CCSER1: variants seen among roughly 807,000 people sequenced by gnomAD.
CCSER1 encodes the protein serine-rich coiled-coil domain-containing protein 1.
CCSER1 carries 41 observed loss-of-function variants against 82.0 expected under a neutral mutation model. The ratio of observed to expected loss-of-function variants is 0.50; its 90% confidence interval spans 0.39 to 0.65. CCSER1 has a LOEUF of 0.65. Ranked by LOEUF, CCSER1 falls within the 30% of genes least tolerant of loss-of-function variation. The pLI is 0.00. For missense variants in CCSER1, 1,119 were observed against 1,064.2 expected (o/e 1.05, Z -0.72); for synonymous variants, 414 against 383.9 (o/e 1.08, Z -0.92).
chr4:90,321,126 T>C (rs1305508407), intron 3 of CCSER1, among the ~76,000 whole-genome samples: 1 of 152,158 alleles, frequency 6.6e-6, no homozygotes, highest in Non-Finnish European at 1.5e-5. Flanking sequence ...TTTTTCACTA[T>C]AGTTACCCTA....
At chr4:90,954,103 A>G (rs1404404176) in intron 9 of CCSER1, among the ~76,000 whole-genome samples, 3 of 152,028 alleles carry the variant, frequency 2.0e-5, no homozygotes, top group Non-Finnish European at 4.4e-5. Context: ...TTTTTATAAC[A>G]TTTCTCTTTA....
intron 4 of CCSER1, among the ~76,000 whole-genome samples, chr4:90,413,786 A>G (rs1755275422): frequency 6.9e-6 from 1 of 144,102 alleles, no homozygotes; most frequent in South Asian, 2.1e-4. Flanking sequence ...CACTAAAAAT[A>G]CAAAAAAAAA....
intron 10 of CCSER1, among the ~76,000 whole-genome samples, chr4:91,167,956 G>A (rs547223531): frequency 2.3e-4 from 33 of 145,252 alleles, no homozygotes; most frequent in East Asian, 1.1e-3. Context: ...CCACCACCCC[G>A]TCTGGGAAGT....
At chr4:91,219,065 G>A (rs181672331) in intron 10 of CCSER1, among the ~76,000 whole-genome samples, 6 of 152,268 alleles carry the variant, frequency 3.9e-5, no homozygotes, top group South Asian at 2.1e-4. Flanking sequence ...ATTCAGGCAA[G>A]CCTAAATATT....
At chr4:90,965,081 C>T (rs894077196) in intron 9 of CCSER1, among the ~76,000 whole-genome samples, 1 of 152,038 alleles carries the variant, frequency 6.6e-6, no homozygotes, top group African/African-American at 2.4e-5. Flanking sequence ...TAGAACAGGG[C>T]CATTTACAAG....
chr4:91,473,422 G>A (rs1005833253), intron 10 of CCSER1, among the ~76,000 whole-genome samples: 2 of 152,034 alleles, frequency 1.3e-5, no homozygotes, highest in African/African-American at 2.4e-5. Flanking sequence ...TACTGGTCTC[G>A]TTAGTCAGAG....
chr4:90,257,593 A>ATACT (rs201142568), intron 1 of CCSER1, among the ~76,000 whole-genome samples: 4,853 of 151,818 alleles, frequency 0.032, 221 homozygotes, highest in East Asian at 0.22. Flanking sequence ...AGATACTTAG[A>ATACT]TAGATAAAGA....
At chr4:90,684,026 T>C (rs1734361030) in intron 6 of CCSER1, among the ~76,000 whole-genome samples, 1 of 152,204 alleles carries the variant, frequency 6.6e-6, no homozygotes, top group Admixed American at 6.6e-5. Context: ...TTGTTTGTAC[T>C]CTAGAGAATG....
chr4:91,595,415 T>C (rs1244628054), intron 10 of CCSER1, among the ~76,000 whole-genome samples: 1 of 152,112 alleles, frequency 6.6e-6, no homozygotes, highest in African/African-American at 2.4e-5. Context: ...TGACTTTCTT[T>C]TTAAAATAGA....
Position 90,719,069 on chromosome 4 carries a change from G to A in CCSER1, c.1933-4845G>A, listed in dbSNP as rs577488308. ...CCTGGCCACGGACCACTGGTCCGTGGCCTGTTGGAACTGAGCCACACTGCA... is the reference window on the plus strand; with the variant it reads ...CCTGGCCACGGACCACTGGTCCGTGACCTGTTGGAACTGAGCCACACTGCA... On this transcript the variant is annotated intron_variant, in intron 6 of 10. Transcript: ENST00000509176. 4.6e-5 allele frequency among the ~76,000 whole-genome samples: 7 copies of A among 152,086 alleles called. No individual in the cohort carries two copies. The South Asian group carries it at 1.0e-3, about 23-fold the overall frequency.
At chr4:91,257,884 T>C (rs1161461409) in intron 10 of CCSER1, among the ~76,000 whole-genome samples, 1 of 152,098 alleles carries the variant, frequency 6.6e-6, no homozygotes. Flanking sequence ...TCTTCCTTAT[T>C]GAGCTATAAC....
At chr4:90,131,576 T>C (rs1722837473) in intron 1 of CCSER1, among the ~76,000 whole-genome samples, 1 of 152,154 alleles carries the variant, frequency 6.6e-6, no homozygotes, top group Non-Finnish European at 1.5e-5. Flanking sequence ...TCATATAAAA[T>C]GTGTTGTCTA....
At chr4:91,398,597 GA>G (rs1053932116) in intron 10 of CCSER1, among the ~76,000 whole-genome samples, 6 of 151,834 alleles carry the variant, frequency 4.0e-5, no homozygotes, top group African/African-American at 1.4e-4. Flanking sequence ...TCATTAATAA[GA>G]GAGCATAGTG....
chr4:90,363,467 T>TG (rs1216200150), intron 3 of CCSER1, among the ~76,000 whole-genome samples: 2 of 152,054 alleles, frequency 1.3e-5, no homozygotes, highest in Admixed American at 6.6e-5. Flanking sequence ...CCAGATCTGT[T>TG]GGGGGGTTCT....
chr4:90,733,104 C>G (rs1208956288), intron 7 of CCSER1, among the ~76,000 whole-genome samples: 1 of 152,178 alleles, frequency 6.6e-6, no homozygotes, highest in Non-Finnish European at 1.5e-5. Flanking sequence ...GAGGAACCTC[C>G]AAGTTGTACT....
chr4:91,159,290 C>T (rs1158243671), intron 10 of CCSER1, among the ~76,000 whole-genome samples: 1 of 151,950 alleles, frequency 6.6e-6, no homozygotes, highest in East Asian at 1.9e-4. Context: ...TATATTAAAT[C>T]AATGCCATGC....
chr4:90,887,065 A>G (rs1469283325), intron 8 of CCSER1, among the ~76,000 whole-genome samples: 1 of 152,192 alleles, frequency 6.6e-6, no homozygotes, highest in Non-Finnish European at 1.5e-5. Flanking sequence ...ATGATGAAGT[A>G]TATAAAACCT....
intron 5 of CCSER1, among the ~76,000 whole-genome samples, chr4:90,574,936 T>C (rs1780574843): frequency 6.6e-6 from 1 of 152,198 alleles, no homozygotes; most frequent in South Asian, 2.1e-4. Flanking sequence ...AAGTATTTAA[T>C]AGAGACTTGT....
chr4:90,758,241 A>G (rs1052268460), intron 7 of CCSER1, among the ~76,000 whole-genome samples: 1 of 152,122 alleles, frequency 6.6e-6, no homozygotes, highest in South Asian at 2.1e-4. Flanking sequence ...TCTTACATCA[A>G]GAACCAGACC....
Sources: allele counts gnomAD v4.1 joint callset (sites outside exome capture counted in the v4.1 genomes callset), GRCh38; gene constraint gnomAD v4.1.1; transcripts MANE v1.5; gene names NCBI Gene and HGNC (gene_info 2026-07-23, HGNC 2026-07-21).